PALS1: variants seen among roughly 807,000 people sequenced by gnomAD.
PALS1 encodes the protein protein PALS1.
Under a neutral mutation model 78.9 loss-of-function variants are expected in PALS1, and 31 were observed. The ratio of observed to expected loss-of-function variants is 0.39; its 90% CI spans 0.30 to 0.53. PALS1 has a LOEUF of 0.53. Ranked by LOEUF, PALS1 falls within the 20% of genes least tolerant of loss-of-function variation. The pLI is 0.67. For synonymous variants in PALS1, 276 were observed against 270.9 expected, an observed-to-expected ratio of 1.02 and a Z score of -0.18; for missense variants, 704 against 826.5, an observed-to-expected ratio of 0.85 and a Z score of 1.82.
chr14:67,270,671 A>G (rs1471660281), intron 2 of PALS1: 2 of 151,540 alleles, frequency 1.3e-5, no homozygotes, highest in South Asian at 2.1e-4. Context: ...TATATAGACT[A>G]CATGTATGGG....
chr14:67,253,845 A>G (rs574338252), intron 1 of PALS1, among the ~76,000 whole-genome samples: 17 of 142,584 alleles, frequency 1.2e-4, no homozygotes, highest in African/African-American at 4.5e-4. Flanking sequence ...TCTCAAAAAG[A>G]AAAAAAAAAA....
Position 67,329,754 on chromosome 14 carries a change from C to A in PALS1, c.1852-3026C>A, listed in dbSNP as rs960804100. Among the ~76,000 whole-genome samples the A allele has an allele frequency of 1.3e-5, 2 of 151,942 alleles. 1 individual carries two copies. Among genetic ancestry groups the A allele is most frequent in the South Asian group, 4.2e-4 (2 of 4,808 alleles). Reference sequence around the variant, plus strand: ...AACATTAGCCAGGCATGGTGGTGCACGCCTGTGGTACTGGCTACTGAAGAG... The same window carrying A: ...AACATTAGCCAGGCATGGTGGTGCAAGCCTGTGGTACTGGCTACTGAAGAG... On this transcript the variant is annotated intron_variant, in intron 14 of 14. Coordinates refer to ENST00000261681, the MANE Select transcript of PALS1 (RefSeq NM_022474.4).
intron 14 of PALS1, among the ~76,000 whole-genome samples, chr14:67,328,356 A>G (rs2085392575): frequency 6.6e-6 from 1 of 152,016 alleles, no homozygotes; most frequent in African/African-American, 2.4e-5. Flanking sequence ...AAATTTGTTT[A>G]AGTTCTTTGT....
At chr14:67,302,684 G>T (rs974920667) in intron 7 of PALS1, 113 bp downstream of exon 7, 4 of 826,960 alleles carry the variant, frequency 4.8e-6, no homozygotes, top group Admixed American at 3.2e-5. Flanking sequence ...TTTCTAGCCT[G>T]ATTTTTCCAT....
chr14:67,312,800 CTATT>C, intron 9 of PALS1, 90 bp downstream of exon 9: 1 of 1,017,100 alleles, frequency 9.8e-7, no homozygotes, highest in South Asian at 3.0e-5. Flanking sequence ...TTTCATGCCT[CTATT>C]TAATAAAGTA....
chr14:67,302,033 A>G lies in PALS1; in HGVS notation c.716A>G (p.Asp239Gly). 3.1e-6 allele frequency: 5 copies of G among 1,611,608 alleles called. No individual in the cohort carries two copies. The highest frequency in any genetic ancestry group is 4.2e-6 in the Non-Finnish European group (5 of 1,178,814). ...GAAATGCAGCTAGAGCCCATTACAG[A>G]TGAGAGAGTTTATGAAAGTATTGGC... is the stretch of plus-strand genomic sequence containing the variant. Reference protein sequence around the residue: ...EQEMQLEPITDERVYESIGQY... With the variant: ...EQEMQLEPITGERVYESIGQY... Residue 239 changes from aspartate to glycine, a missense_variant, in exon 6 of 15, where the codon GAT becomes GGT. Physicochemically the swap from Asp to Gly is moderately conservative, Grantham distance 94 (BLOSUM62 -1). Coordinates refer to ENST00000261681, the MANE Select transcript of PALS1 (RefSeq NM_022474.4).
chr14:67,317,841 T>C (rs2085201223), intron 11 of PALS1, among the ~76,000 whole-genome samples: 1 of 152,254 alleles, frequency 6.6e-6, no homozygotes. Flanking sequence ...CACTACCTGC[T>C]GGCTAAGTCA....
chr14:67,262,366 G>T (rs1373304406), intron 1 of PALS1, among the ~76,000 whole-genome samples: 1 of 151,694 alleles, frequency 6.6e-6, no homozygotes, highest in African/African-American at 2.4e-5. Flanking sequence ...CCCTATCCCC[G>T]CCTCGAATCC....
intron 3 of PALS1, among the ~76,000 whole-genome samples, chr14:67,281,509 A>ATTAT (rs558484697): frequency 6.6e-6 from 1 of 151,920 alleles, no homozygotes; most frequent in Admixed American, 6.6e-5. Context: ...CCACTCTATT[A>ATTAT]TTATTTATTT....
intron 11 of PALS1, among the ~76,000 whole-genome samples, chr14:67,319,239 A>G (rs984389368): frequency 3.9e-5 from 6 of 152,108 alleles, no homozygotes; most frequent in African/African-American, 1.4e-4. Context: ...GAGCTGAGGG[A>G]GTCTGACTTC....
At chr14:67,307,451 T>A (rs1220928685) in intron 8 of PALS1, among the ~76,000 whole-genome samples, 1 of 152,204 alleles carries the variant, frequency 6.6e-6, no homozygotes, top group Non-Finnish European at 1.5e-5. Context: ...ACCAGAAAAT[T>A]AACAGATTAT....
At chr14:67,317,327 A>G in intron 10 of PALS1, 81 bp from the exon 11 acceptor site, 1 of 1,221,722 alleles carries the variant, frequency 8.2e-7, no homozygotes, top group Non-Finnish European at 1.2e-6. Context: ...AAATGAATGA[A>G]TAAATAGAGT....
In PALS1 at chr14:67,332,996, C is replaced by CA. The variant is rs575116943; in HGVS notation, c.*45dup. ...CTGTGGCATGTTGGACTTGATCTGG[C>CA]AAAAACTGCCAATAGGAGGACTGCC... is the stretch of plus-strand genomic sequence containing the variant. On this transcript the variant is annotated 3_prime_UTR_variant, in exon 15 of 15. Transcript: ENST00000261681. 599 of 1,559,222 alleles carry CA rather than the reference C, an allele frequency of 3.8e-4. 4 individuals are homozygous for CA. The East Asian group carries it at 0.011, about 29-fold the overall frequency.
chr14:67,317,868 TTA>T (rs2085201591), intron 11 of PALS1, among the ~76,000 whole-genome samples: 1 of 152,204 alleles, frequency 6.6e-6, no homozygotes, highest in Non-Finnish European at 1.5e-5. Flanking sequence ...CAAGAGAATT[TTA>T]GTTTTATTTT....
In PALS1 at chr14:67,263,714, A is replaced by C. The variant is rs537078895; in HGVS notation, c.-236-5987A>C. On this transcript the variant is annotated intron_variant, in intron 1 of 14. Transcript: ENST00000261681. ...ACTTGTTTTTCTCATTTGTAAACTG[A>C]TGATAACTTTGAGGAGTTGGAAGGA... Among the ~76,000 whole-genome samples, 28 of 152,308 alleles carry C rather than the reference A, an allele frequency of 1.8e-4. No individual in the cohort carries two copies. The South Asian group carries it at 5.8e-3, about 32-fold the overall frequency.
chr14:67,249,904 G>A (rs1003105434), intron 1 of PALS1, among the ~76,000 whole-genome samples: 1 of 152,180 alleles, frequency 6.6e-6, no homozygotes, highest in Non-Finnish European at 1.5e-5. Context: ...AGTGAGCTAG[G>A]TGCTCTGCTA....
At chr14:67,313,938 A>G (rs2085131211) in intron 9 of PALS1, among the ~76,000 whole-genome samples, 1 of 152,092 alleles carries the variant, frequency 6.6e-6, no homozygotes, top group Non-Finnish European at 1.5e-5. Context: ...AATGAATAAA[A>G]GATGATTTTA....
chr14:67,313,422 A>G (rs1183469446), intron 9 of PALS1, among the ~76,000 whole-genome samples: 1 of 152,184 alleles, frequency 6.6e-6, no homozygotes, highest in Non-Finnish European at 1.5e-5. Flanking sequence ...GGTATAGCCT[A>G]TTCCTCCAAC....
chr14:67,299,220 G>T (rs1308919717), intron 4 of PALS1, among the ~76,000 whole-genome samples: 2 of 152,130 alleles, frequency 1.3e-5, no homozygotes, highest in Non-Finnish European at 2.9e-5. Flanking sequence ...TATCCGGTTA[G>T]ATCTTATTTC....
Sources: gnomAD v4.1 joint callset for allele counts (sites outside exome capture counted in the v4.1 genomes callset) on GRCh38, gnomAD v4.1.1 for gene constraint, MANE v1.5 for transcripts, NCBI Gene and HGNC (gene_info 2026-07-23, HGNC 2026-07-21) for gene names.